SH3YL1: variants seen among roughly 807,000 people sequenced by gnomAD.
SH3YL1 encodes the protein SH3 domain-containing YSC84-like protein 1.
A neutral mutation model predicts 45.8 loss-of-function variants in SH3YL1; 41 were observed. The observed-to-expected ratio is 0.89, with a 90% confidence interval of 0.70 to 1.16. The LOEUF is 1.16. Ranked by LOEUF, SH3YL1 falls within the 50% of genes most tolerant of loss-of-function variation. The pLI is 0.00. For synonymous variants in SH3YL1, 152 were observed against 151.4 expected (o/e 1.00, Z -0.03); for missense variants, 389 against 409.6 (o/e 0.95, Z 0.43).
In SH3YL1 at chr2:233,157, A is replaced by G. The variant is rs1286470290; in HGVS notation, c.477T>C (p.Phe159=). 6.2e-7 allele frequency: 1 copy of G among 1,600,450 alleles called. No individual in the cohort carries two copies. Among genetic ancestry groups the G allele is most frequent in the East Asian group, 2.2e-5 (1 of 44,502 alleles). Residue 159 remains phenylalanine (F), a synonymous_variant, in exon 6 of 10, where the codon TTT becomes TTC. Coordinates refer to ENST00000356150, the MANE Select transcript of SH3YL1 (RefSeq NM_015677.4). ...VFTYCKSRGL[F]AGVSLEGSCL... ...AGCTCCCTTCTAAAGACACGCCTGC[A>G]AAGAGTCCCCTTGACTTGCAGTACG...
intron 9 of SH3YL1, 137 bp downstream of exon 9, chr2:224,727 C>A: frequency 1.4e-6 from 1 of 696,286 alleles, no homozygotes; most frequent in Non-Finnish European, 2.5e-6. Context: ...AAGTACTTCT[C>A]AAAAGAATGT....
intron 9 of SH3YL1, 148 bp downstream of exon 9, chr2:224,715 TG>T (rs774898308): frequency 2.0e-5 from 13 of 657,866 alleles, no homozygotes; most frequent in Non-Finnish European, 3.2e-5. Context: ...ATTTTCTAAA[TG>T]AAGTACTTCT....
At position 229,986 on chromosome 2, in the gene SH3YL1, T is replaced by C. The variant is rs199653837; in HGVS notation, c.761A>G (p.Gln254Arg). The C allele has an allele frequency of 2.3e-3, 3,701 of 1,613,154 alleles. 11 individuals are homozygous for C. Among genetic ancestry groups the C allele is most frequent in the Middle Eastern group, 5.6e-3 (34 of 6,056 alleles). Residue 254 changes from glutamine to arginine, a missense_variant, in exon 8 of 10, where the codon CAG (glutamine) becomes CGG (arginine). Transcript: ENST00000356150. The stretch of plus-strand genomic sequence containing the variant: ...TTTACTTTGAGAGCCAGAGTTCAGC[T>C]GGACTGGTGCAGATGACTGCTGTGG... ...SRPQQSSAPVQLNSGSQSNRN... is the reference protein window; with the variant it reads ...SRPQQSSAPVRLNSGSQSNRN...
At chr2:243,824 T>C (rs929304320) in intron 4 of SH3YL1, among the ~76,000 whole-genome samples, 1 of 152,184 alleles carries the variant, frequency 6.6e-6, no homozygotes, top group African/African-American at 2.4e-5. Context: ...CTAATGTCTC[T>C]GTATATTGAA....
rs574520965 is a variant in SH3YL1 at position 243,987 on chromosome 2, G to T, written c.291+3551C>A. On this transcript the variant is annotated intron_variant, in intron 4 of 9. Coordinates refer to ENST00000356150, the MANE Select transcript of SH3YL1 (RefSeq NM_015677.4). ...GAACCTTTCTTTTTTCCCTATTGAG[G>T]GATGTGCAGACAAGACAGACTACAG... is the stretch of plus-strand genomic sequence containing the variant. Among the ~76,000 whole-genome samples, 3 of 152,204 alleles carry T rather than the reference G, an allele frequency of 2.0e-5. No homozygotes were observed. In the East Asian group the frequency reaches 5.8e-4, roughly 29 times the overall value.
intron 1 of SH3YL1, chr2:259,910 T>C (rs1027801915): frequency 6.6e-6 from 1 of 152,018 alleles, no homozygotes; most frequent in African/African-American, 2.4e-5. Flanking sequence ...TTATAGAATT[T>C]TTTTTCAATT....
Position 218,674 on chromosome 2 carries a change from A to T in SH3YL1, c.*137T>A, listed in dbSNP as rs1436100701. The T allele has an allele frequency of 2.8e-6, 2 of 720,204 alleles. No homozygotes were observed. Among genetic ancestry groups the T allele is most frequent in the African/African-American group, 3.6e-5 (2 of 55,878 alleles). The allele number at this position is 720,204 out of a possible 1,614,324, so 44.6% of individuals were successfully genotyped here. The stretch of plus-strand genomic sequence containing the variant: ...CAGCTCTTTTTATATAGAAAAACAA[A>T]ATCTTTTACATACGGAATGGAAATT... On this transcript the variant is annotated 3_prime_UTR_variant, in exon 10 of 10. Transcript: ENST00000356150.
rs35001894 is a variant in SH3YL1 at position 244,201 on chromosome 2, TA to T, written c.291+3336del. On this transcript the variant is annotated intron_variant, in intron 4 of 9. Transcript: ENST00000356150. ...CATAATAGCATGTGTACAAGTTTTG[TA>T]AAAAAAAAAAATGGCCTGGAGCGGT... Among the ~76,000 whole-genome samples the T allele has an allele frequency of 9.7e-3, 1,425 of 147,282 alleles. 20 individuals are homozygous for T. The highest frequency in any genetic ancestry group is 0.033 in the African/African-American group (1,316 of 40,138).
chr2:262,576 T>C, intron 1 of SH3YL1: 1 of 1,302,202 alleles, frequency 7.7e-7, no homozygotes, highest in Non-Finnish European at 1.0e-6. Context: ...TTTTAAAAAC[T>C]TCATGTGCTT....
At chr2:223,914 A>C (rs1572140079) in intron 9 of SH3YL1, among the ~76,000 whole-genome samples, 1 of 152,208 alleles carries the variant, frequency 6.6e-6, no homozygotes, top group East Asian at 1.9e-4. Context: ...GGGTGAAAAG[A>C]AAGGTCACCA....
chr2:242,824 G>A lies in SH3YL1; in HGVS notation c.291+4714C>T, dbSNP rs376034761. 2.0e-3 allele frequency: 3,042 copies of A among 1,533,658 alleles called. 19 individuals are homozygous for A. The highest frequency in any genetic ancestry group is 0.014 in the South Asian group (1,101 of 80,894). ...ATTAGATTGACAGTAAAAGGATGGA[G>A]AAAGATGTGTCATGCAGATGGCAAC... is the stretch of plus-strand genomic sequence containing the variant. On this transcript the variant is annotated intron_variant, in intron 4 of 9. Transcript: ENST00000356150.
chr2:254,790 C>T (rs1669241513), intron 1 of SH3YL1, among the ~76,000 whole-genome samples: 1 of 152,174 alleles, frequency 6.6e-6, no homozygotes, highest in African/African-American at 2.4e-5. Context: ...AGACTCATCC[C>T]TCTGCTCACG....
rs2103012578 is a variant in SH3YL1 at position 218,458 on chromosome 2, A to G, written c.*353T>C. ...CTAGTCACTTTGCAAATGGAAATGT[A>G]AGAATTGAAATTTGTGGCTCTACCC... On this transcript the variant is annotated 3_prime_UTR_variant, in exon 10 of 10. Transcript: ENST00000356150. The G allele has an allele frequency of 1.1e-5, 2 of 177,800 alleles. No individual in the cohort carries two copies. Among genetic ancestry groups the G allele is most frequent in the Middle Eastern group, 2.6e-3 (1 of 384 alleles). 11.0% of individuals were successfully genotyped at this position (177,800 alleles called of 1,614,324 possible). A position where few individuals can be genotyped will look rare whatever the true frequency, so the allele number is the denominator to read the frequency against.
chr2:237,304 T>G (rs919375277), intron 4 of SH3YL1, among the ~76,000 whole-genome samples: 4 of 152,042 alleles, frequency 2.6e-5, no homozygotes, highest in Non-Finnish European at 5.9e-5. Context: ...TGATCTCTCT[T>G]TAGTTCTTTT....
intron 3 of SH3YL1, among the ~76,000 whole-genome samples, chr2:248,989 T>C (rs552803466): frequency 2.0e-5 from 3 of 152,342 alleles, no homozygotes; most frequent in South Asian, 2.1e-4. Flanking sequence ...ATATATTGTA[T>C]ATTTATTGTC....
chr2:257,031 C>A (rs990892536), intron 1 of SH3YL1, among the ~76,000 whole-genome samples: 1 of 152,168 alleles, frequency 6.6e-6, no homozygotes, highest in Non-Finnish European at 1.5e-5. Flanking sequence ...CTGCTTAAAT[C>A]TTTTGTCCAC....
intron 4 of SH3YL1, among the ~76,000 whole-genome samples, chr2:238,710 T>C (rs1668412897): frequency 6.6e-6 from 1 of 152,178 alleles, no homozygotes; most frequent in Admixed American, 6.5e-5. Context: ...AAGAAACCGT[T>C]AGTGGTATTT....
At chr2:262,792 C>A in intron 1 of SH3YL1, 1 of 1,009,404 alleles carries the variant, frequency 9.9e-7, no homozygotes, top group Non-Finnish European at 1.3e-6. Flanking sequence ...TTTTCCTAAA[C>A]AGAACAAAAG....
intron 1 of SH3YL1, among the ~76,000 whole-genome samples, chr2:255,571 T>TA (rs1669282722): frequency 6.6e-6 from 1 of 152,240 alleles, no homozygotes; most frequent in Non-Finnish European, 1.5e-5. Flanking sequence ...CACTCCAGCC[T>TA]GGGCAACAGG....
Sources: allele counts gnomAD v4.1 joint callset (sites outside exome capture counted in the v4.1 genomes callset), GRCh38; gene constraint gnomAD v4.1.1; transcripts MANE v1.5; gene names NCBI Gene and HGNC (gene_info 2026-07-23, HGNC 2026-07-21).